MAD1L1: variants seen among roughly 807,000 people sequenced by gnomAD.
MAD1L1 encodes the protein mitotic spindle assembly checkpoint protein MAD1.
MAD1L1 carries 95 observed loss-of-function variants against 96.9 expected under a neutral mutation model. The ratio of observed to expected loss-of-function variants is 0.98; its 90% CI spans 0.83 to 1.16. The LOEUF is 1.16. MAD1L1 is among the 50% of genes most tolerant of loss of function. The pLI is 0.00. For synonymous variants in MAD1L1, 473 were observed against 396.6 expected, an observed-to-expected ratio of 1.19 and a Z score of -2.29; for missense variants, 1,007 against 954.4, an observed-to-expected ratio of 1.06 and a Z score of -0.73.
intron 15 of MAD1L1, among the ~76,000 whole-genome samples, chr7:1,980,025 A>G (rs1169195656): frequency 1.3e-5 from 2 of 152,218 alleles, no homozygotes; most frequent in African/African-American, 4.8e-5. Context: ...CTTACAAAGA[A>G]AAGCCCTTCC....
intron 12 of MAD1L1, among the ~76,000 whole-genome samples, chr7:2,030,859 T>C (rs1199011879): frequency 6.6e-6 from 1 of 152,204 alleles, no homozygotes; most frequent in African/African-American, 2.4e-5. Context: ...TCGGCCAACC[T>C]TGCTCAGAGC....
chr7:1,880,988 G>A (rs985795703), intron 18 of MAD1L1, among the ~76,000 whole-genome samples: 2 of 152,240 alleles, frequency 1.3e-5, no homozygotes, highest in Admixed American at 6.5e-5. Flanking sequence ...CAGGATGCCT[G>A]GTTCTTTGCT....
chr7:2,228,545 A>G (rs781738131), intron 3 of MAD1L1, among the ~76,000 whole-genome samples: 1 of 152,090 alleles, frequency 6.6e-6, no homozygotes, highest in Non-Finnish European at 1.5e-5. Context: ...GAGCCACTGC[A>G]ACCAGCTCAG....
At chr7:1,862,265 G>C (rs1784570604) in intron 18 of MAD1L1, among the ~76,000 whole-genome samples, 3 of 152,222 alleles carry the variant, frequency 2.0e-5, no homozygotes. Flanking sequence ...GAGGCCAACA[G>C]CCTGGCCCCA....
At chr7:2,180,653 T>G (rs1791158761) in intron 10 of MAD1L1, among the ~76,000 whole-genome samples, 1 of 152,210 alleles carries the variant, frequency 6.6e-6, no homozygotes, top group South Asian at 2.1e-4. Flanking sequence ...AAAATATCTC[T>G]GGGGATAATA....
intron 11 of MAD1L1, among the ~76,000 whole-genome samples, chr7:2,086,947 C>G (rs1322236620): frequency 6.6e-6 from 1 of 152,194 alleles, no homozygotes; most frequent in East Asian, 1.9e-4. Flanking sequence ...CTAAGAGTTA[C>G]AAGCTGAGTT....
At chr7:1,964,344 G>A (rs1780072009) in intron 15 of MAD1L1, among the ~76,000 whole-genome samples, 1 of 152,208 alleles carries the variant, frequency 6.6e-6, no homozygotes, top group African/African-American at 2.4e-5. Flanking sequence ...ATTGGAATGA[G>A]CGCACGCGTG....
rs1171267795 is a variant in MAD1L1 at position 2,087,249 on chromosome 7, C to T, written c.1074-17911G>A. On this transcript the variant is annotated intron_variant, in intron 11 of 18. Transcript: ENST00000265854. The stretch of plus-strand genomic sequence containing the variant: ...GTGAATTTTACTACCAATAAATAAT[C>T]GGGAAATGGACCAGGCATGGTGGTT... Among the ~76,000 whole-genome samples, 3 of 152,144 alleles carry T rather than the reference C, an allele frequency of 2.0e-5. No homozygotes were observed. The South Asian group carries it at 6.2e-4, about 32-fold the overall frequency.
chr7:2,038,348 C>G (rs1412819154), intron 12 of MAD1L1, among the ~76,000 whole-genome samples: 1 of 152,170 alleles, frequency 6.6e-6, no homozygotes, highest in Admixed American at 6.5e-5. Context: ...AAGGTGGCCA[C>G]ACTAAACACC....
chr7:2,230,455 C>G (rs1219769049), intron 2 of MAD1L1, 94 bp downstream of exon 2: 1 of 298,058 alleles, frequency 3.4e-6, no homozygotes, highest in Non-Finnish European at 6.6e-6. Flanking sequence ...GCACGTCCCC[C>G]AACTGCACTG....
At position 1,947,500 on chromosome 7, in the gene MAD1L1, G is replaced by A. The variant is rs150875978; in HGVS notation, c.1596+10129C>T. ...CACGGAGGAGAGCGAGGCAGCTCGG[G>A]CTGTGCCTGTTGGGCCAGGGCATTG... On this transcript the variant is annotated intron_variant, in intron 16 of 18. Transcript: ENST00000265854. 2.9e-3 allele frequency among the ~76,000 whole-genome samples: 446 copies of A among 152,360 alleles called. 3 individuals are homozygous for A. Among genetic ancestry groups the A allele is most frequent in the African/African-American group, 0.01 (417 of 41,578 alleles).
intron 18 of MAD1L1, among the ~76,000 whole-genome samples, chr7:1,888,595 T>A (rs944734674): frequency 6.6e-6 from 1 of 151,830 alleles, no homozygotes; most frequent in Non-Finnish European, 1.5e-5. Flanking sequence ...CATGCGTGCA[T>A]GTGGCTGCCT....
intron 11 of MAD1L1, among the ~76,000 whole-genome samples, chr7:2,085,547 A>G (rs992089616): frequency 8.5e-5 from 13 of 152,214 alleles, no homozygotes; most frequent in African/African-American, 2.9e-4. Context: ...GACTTTGCCT[A>G]TTCTGGGCAC....
intron 11 of MAD1L1, among the ~76,000 whole-genome samples, chr7:2,110,157 A>C (rs572530684): frequency 6.6e-6 from 1 of 152,384 alleles, no homozygotes; most frequent in South Asian, 2.1e-4. Flanking sequence ...AAAATGACAC[A>C]GATGTCCAGA....
intron 17 of MAD1L1, among the ~76,000 whole-genome samples, chr7:1,916,065 C>T (rs1198871860): frequency 6.6e-6 from 1 of 152,136 alleles, no homozygotes; most frequent in East Asian, 1.9e-4. Flanking sequence ...GCCCATCATC[C>T]TCACCTGTGA....
chr7:2,099,372 G>C (rs1007493553), intron 11 of MAD1L1, among the ~76,000 whole-genome samples: 8 of 152,190 alleles, frequency 5.3e-5, no homozygotes, highest in Admixed American at 3.3e-4. Flanking sequence ...CCTTGGCTTC[G>C]TTAGCATTCA....
intron 13 of MAD1L1, among the ~76,000 whole-genome samples, chr7:2,011,894 G>A (rs1782320910): frequency 6.6e-6 from 1 of 152,192 alleles, no homozygotes; most frequent in Non-Finnish European, 1.5e-5. Context: ...GGGTACCCAG[G>A]GGGATGGGCA....
intron 10 of MAD1L1, among the ~76,000 whole-genome samples, chr7:2,151,548 C>A (rs1363941088): frequency 6.6e-6 from 1 of 152,252 alleles, no homozygotes; most frequent in Non-Finnish European, 1.5e-5. Flanking sequence ...GGGAAGCCTC[C>A]CTGCAGCCTG....
At chr7:2,128,983 C>A (rs1788374447) in intron 11 of MAD1L1, among the ~76,000 whole-genome samples, 4 of 152,216 alleles carry the variant, frequency 2.6e-5, no homozygotes, top group Admixed American at 2.0e-4. Flanking sequence ...GGCATCTGGA[C>A]CTTGAGGAGA....
Sources: gnomAD v4.1 joint callset for allele counts (sites outside exome capture counted in the v4.1 genomes callset) on GRCh38, gnomAD v4.1.1 for gene constraint, MANE v1.5 for transcripts, NCBI Gene and HGNC (gene_info 2026-07-23, HGNC 2026-07-21) for gene names.